Variants in INPP5F observed in about 807,000 individuals in gnomAD.
INPP5F encodes the protein inositol polyphosphate-5-phosphatase F.
A neutral mutation model predicts 137.2 loss-of-function variants in INPP5F; 97 were observed. The ratio of observed to expected loss-of-function variants is 0.71; its 90% CI spans 0.60 to 0.84. INPP5F has a LOEUF of 0.84. Ranked by LOEUF, INPP5F falls within the 40% of genes least tolerant of loss-of-function variation. The probability of loss-of-function intolerance (pLI) is 0.00; values close to 1 mark genes in which losing one functional copy is unlikely to be tolerated. For synonymous variants in INPP5F, 504 were observed against 476.9 expected (o/e 1.06, Z -0.74); for missense variants, 1,271 against 1,371.9 (o/e 0.93, Z 1.16).
Position 119,820,844 on chromosome 10 carries a change from A to G in INPP5F, c.1887-2A>G. ...TTAATCTCCTGTGTCATATTTGTTT[A>G]GCCTCATTGATGCTACTCACAGAGA... On this transcript the variant is annotated splice_acceptor_variant, in intron 15 of 19. Transcript: ENST00000650623. LOFTEE classifies it high-confidence loss of function. 1 of 1,602,832 alleles carries G rather than the reference A, an allele frequency of 6.2e-7. No individual in the cohort carries two copies. The highest frequency in any genetic ancestry group is 8.5e-7 in the Non-Finnish European group (1 of 1,169,758).
intron 2 of INPP5F, among the ~76,000 whole-genome samples, chr10:119,751,540 C>T (rs1848690476): frequency 6.6e-6 from 1 of 152,192 alleles, no homozygotes; most frequent in Non-Finnish European, 1.5e-5. Context: ...GCAGTCAGCT[C>T]TGCCAGAGAC....
chr10:119,733,995 G>A (rs950468783), intron 1 of INPP5F, among the ~76,000 whole-genome samples: 3 of 152,174 alleles, frequency 2.0e-5, no homozygotes, highest in African/African-American at 7.2e-5. Context: ...TTGTAGGGAC[G>A]TTTAAAGGGA....
At chr10:119,789,162 T>C (rs546339071) in intron 3 of INPP5F, among the ~76,000 whole-genome samples, 20 of 150,878 alleles carry the variant, frequency 1.3e-4, no homozygotes, top group Non-Finnish European at 2.8e-4. Flanking sequence ...GAGACGGAGG[T>C]TGTGGTGAGC....
chr10:119,762,513 C>T (rs377410531), intron 2 of INPP5F, among the ~76,000 whole-genome samples: 1 of 152,164 alleles, frequency 6.6e-6, no homozygotes, highest in South Asian at 2.1e-4. Context: ...AACATACAGT[C>T]ACGGTCCTCC....
chr10:119,783,846 C>T (rs554019860), intron 3 of INPP5F, among the ~76,000 whole-genome samples: 9 of 152,152 alleles, frequency 5.9e-5, no homozygotes, highest in Admixed American at 1.3e-4. Context: ...TCAGGGCCAG[C>T]GAGATCGTGG....
chr10:119,731,451 G>C (rs1260453669), intron 1 of INPP5F, among the ~76,000 whole-genome samples: 1 of 152,136 alleles, frequency 6.6e-6, no homozygotes, highest in African/African-American at 2.4e-5. Flanking sequence ...ATCACTTGAG[G>C]TCAGGAGTTC....
intron 3 of INPP5F, among the ~76,000 whole-genome samples, chr10:119,788,389 C>A (rs947088439): frequency 1.3e-5 from 2 of 152,008 alleles, no homozygotes; most frequent in African/African-American, 4.8e-5. Context: ...CTGGGAATAC[C>A]ATCAGTTTTA....
chr10:119,772,730 A>G (rs563532700), intron 2 of INPP5F, among the ~76,000 whole-genome samples: 3 of 152,184 alleles, frequency 2.0e-5, no homozygotes, highest in African/African-American at 4.8e-5. Flanking sequence ...TGGAGAACCA[A>G]TTATTTCAAC....
intron 1 of INPP5F, among the ~76,000 whole-genome samples, chr10:119,732,844 T>A (rs991649842): frequency 1.3e-5 from 2 of 152,202 alleles, no homozygotes; most frequent in African/African-American, 2.4e-5. Flanking sequence ...AGCCAGACAC[T>A]GTTCCATGAC....
chr10:119,731,197 G>T (rs1848053349), intron 1 of INPP5F, among the ~76,000 whole-genome samples: 1 of 151,962 alleles, frequency 6.6e-6, no homozygotes. Context: ...TTTTTACTAT[G>T]TCATATGAGG....
At chr10:119,792,339 A>G in intron 6 of INPP5F, 126 bp downstream of exon 6, 2 of 712,676 alleles carry the variant, frequency 2.8e-6, no homozygotes, top group African/African-American at 3.6e-5. Context: ...AAAGATCACT[A>G]CGTTTTCCCC....
chr10:119,738,462 T>C (rs1246918254), intron 1 of INPP5F, among the ~76,000 whole-genome samples: 1 of 152,190 alleles, frequency 6.6e-6, no homozygotes, highest in African/African-American at 2.4e-5. Flanking sequence ...CCGCTGGCCA[T>C]TTTCTCTGCC....
At chr10:119,751,043 G>GT (rs1256521249) in intron 1 of INPP5F, 33 bp from the exon 2 acceptor site, 1 of 1,323,616 alleles carries the variant, frequency 7.6e-7, no homozygotes. Context: ...TCTGGTGAAT[G>GT]TTTTCTCATC....
At chr10:119,796,614 C>A in intron 6 of INPP5F, 101 bp from the exon 7 acceptor site, 1 of 936,296 alleles carries the variant, frequency 1.1e-6, no homozygotes, top group Non-Finnish European at 1.8e-6. Context: ...AAGGTTTCTG[C>A]TTCTAATAAA....
At chr10:119,763,347 C>T (rs1849061272) in intron 2 of INPP5F, among the ~76,000 whole-genome samples, 1 of 152,228 alleles carries the variant, frequency 6.6e-6, no homozygotes. Flanking sequence ...ATCCTCACGG[C>T]ATCTGGCAGA....
intron 15 of INPP5F, among the ~76,000 whole-genome samples, chr10:119,812,946 C>T (rs183764441): frequency 2.6e-5 from 4 of 151,792 alleles, no homozygotes; most frequent in Non-Finnish European, 4.4e-5. Context: ...ACTTTTACTT[C>T]CCATTCAGAA....
chr10:119,802,041 C>T (rs1850612444), intron 9 of INPP5F, among the ~76,000 whole-genome samples: 1 of 152,142 alleles, frequency 6.6e-6, no homozygotes, highest in Non-Finnish European at 1.5e-5. Flanking sequence ...CCATGGTGGT[C>T]CCATTGCTGT....
intron 13 of INPP5F, 61 bp from the exon 14 acceptor site, chr10:119,810,039 A>G (rs1473931533): frequency 1.2e-5 from 11 of 939,454 alleles, no homozygotes; most frequent in Middle Eastern, 2.1e-4. Context: ...AAAGCCCACA[A>G]TTTATTTTGG....
At chr10:119,804,383 C>A in intron 10 of INPP5F, 86 bp downstream of exon 10, 1 of 1,127,472 alleles carries the variant, frequency 8.9e-7, no homozygotes. Context: ...CTCTTCTTTG[C>A]TGGGAATAAA....
Sources: allele counts gnomAD v4.1 joint callset (sites outside exome capture counted in the v4.1 genomes callset), GRCh38; gene constraint gnomAD v4.1.1; transcripts MANE v1.5; gene names NCBI Gene and HGNC (gene_info 2026-07-23, HGNC 2026-07-21).